TSPO2: variants seen among roughly 807,000 people sequenced by gnomAD.
The protein encoded by TSPO2 is translocator protein 2, also known as benzodiazapine receptor (peripheral)-like 1.
TSPO2 carries 15 observed loss-of-function variants against 13.3 expected under a neutral mutation model. The observed-to-expected ratio is 1.13, with a 90% CI of 0.75 to 1.73. The LOEUF (loss-of-function observed/expected upper bound fraction) is 1.73, where lower values mean the gene tolerates loss of function less well. TSPO2 is among the 40% of genes most tolerant of loss of function. The probability of loss-of-function intolerance (pLI) is 0.00; values close to 1 mark genes in which losing one functional copy is unlikely to be tolerated. For synonymous variants in TSPO2, 81 were observed against 91.6 expected, an observed-to-expected ratio of 0.88 and a Z score of 0.66; for missense variants, 202 against 198.3, an observed-to-expected ratio of 1.02 and a Z score of -0.11.
upstream of TSPO2, among the ~76,000 whole-genome samples, chr6:41,041,403 C>G (rs971052639): frequency 6.6e-6 from 1 of 152,184 alleles, no homozygotes; most frequent in African/African-American, 2.4e-5. Flanking sequence ...ATCAGGCCCC[C>G]CGCCTGGGAG....
chr6:41,043,851 G>C, intron 3 of TSPO2, 89 bp from the exon 4 acceptor site: 2 of 1,544,736 alleles, frequency 1.3e-6, no homozygotes, highest in Non-Finnish European at 8.8e-7. Context: ...AGAGCCCCAG[G>C]GACTGAGCTC....
chr6:41,043,873 G>A, intron 3 of TSPO2, 67 bp from the exon 4 acceptor site: 5 of 1,566,010 alleles, frequency 3.2e-6, no homozygotes, highest in Non-Finnish European at 4.3e-6. Flanking sequence ...TTGCTGGGCT[G>A]GGTACTGCAG....
At position 41,044,284 on chromosome 6, in the gene TSPO2, G is replaced by A. The variant is rs1368400020; in HGVS notation, c.*147G>A. The A allele has an allele frequency of 1.4e-5, 10 of 707,026 alleles. No individual in the cohort carries two copies. The highest frequency in any genetic ancestry group is 2.4e-5 in the Non-Finnish European group (10 of 421,268). 43.8% of individuals were successfully genotyped at this position (707,026 alleles called of 1,614,324 possible). ...CCTTAGAAATCAGAGAAATGGGAAA[G>A]GGGGGGAAACTGATTTTACACTTAA... On this transcript the variant is annotated 3_prime_UTR_variant, in exon 4 of 4. Coordinates refer to ENST00000373161, the MANE Select transcript of TSPO2 (RefSeq NM_001010873.3).
Position 41,042,778 on chromosome 6 carries a change from G to A in TSPO2, c.-21G>A. The A allele has an allele frequency of 1.4e-6, 1 of 701,578 alleles. No individual in the cohort carries two copies. Among genetic ancestry groups the A allele is most frequent in the Non-Finnish European group, 2.6e-6 (1 of 385,680 alleles). The allele number at this position is 701,578 out of a possible 1,614,324, so 43.5% of individuals were successfully genotyped here. A position where few individuals can be genotyped will look rare whatever the true frequency, so the allele number is the denominator to read the frequency against. ...TCCATGGAAGCCAGGAGATGGGCAA[G>A]GTGTGGCCTGGGGTTGGAGAGAGCT... is the stretch of plus-strand genomic sequence containing the variant. On this transcript the variant is annotated splice_region_variant and 5_prime_UTR_variant, in exon 1 of 4. Coordinates refer to ENST00000373161, the MANE Select transcript of TSPO2 (RefSeq NM_001010873.3).
Position 41,044,286 on chromosome 6 carries a change from G to A in TSPO2, c.*149G>A. On this transcript the variant is annotated 3_prime_UTR_variant, in exon 4 of 4. Transcript: ENST00000373161. ...TTAGAAATCAGAGAAATGGGAAAGGGGGGGAAACTGATTTTACACTTAAAT... is the reference window on the plus strand; with the variant it reads ...TTAGAAATCAGAGAAATGGGAAAGGAGGGGAAACTGATTTTACACTTAAAT... The A allele has an allele frequency of 4.4e-6, 3 of 687,474 alleles. No individual in the cohort carries two copies. Among genetic ancestry groups the A allele is most frequent in the South Asian group, 1.8e-5 (1 of 54,122 alleles). 42.6% of individuals were successfully genotyped at this position (687,474 alleles called of 1,614,324 possible). A position where few individuals can be genotyped will look rare whatever the true frequency, so the allele number is the denominator to read the frequency against.
rs1440504266 is a variant in TSPO2 at position 41,042,553 on chromosome 6, G to C, written c.-246G>C. On this transcript the variant is annotated 5_prime_UTR_variant, in exon 1 of 4. Transcript: ENST00000373161. The stretch of plus-strand genomic sequence containing the variant: ...AGATTGTGAACTTTCCAGGTTGGTA[G>C]ATCAGCTTAGGTAGAACAGTTCTCG... The C allele has an allele frequency of 2.8e-6, 1 of 356,876 alleles. No individual in the cohort carries two copies. The highest frequency in any genetic ancestry group is 2.1e-5 in the African/African-American group (1 of 46,814). The allele number at this position is 356,876 out of a possible 1,614,324, so 22.1% of individuals were successfully genotyped here.
At chr6:41,043,368 A>C (rs555332218) in intron 2 of TSPO2, among the ~76,000 whole-genome samples, 189 bp from the exon 3 acceptor site, 1 of 152,078 alleles carries the variant, frequency 6.6e-6, no homozygotes, top group Non-Finnish European at 1.5e-5. Flanking sequence ...AAGTCTCCCC[A>C]GCCCCTCCTC....
chr6:41,042,850 C>T (rs555096720), intron 1 of TSPO2, 72 bp downstream of exon 1: 7 of 1,026,514 alleles, frequency 6.8e-6, no homozygotes, highest in East Asian at 2.5e-5. Flanking sequence ...GAAGGACCTC[C>T]GTGAGTAGAC....
chr6:41,043,861 C>T, intron 3 of TSPO2, 79 bp from the exon 4 acceptor site: 6 of 1,552,232 alleles, frequency 3.9e-6, no homozygotes, highest in South Asian at 1.1e-5. Flanking sequence ...GGACTGAGCT[C>T]GTTGCTGGGC....
Position 41,042,523 on chromosome 6 carries a change from C to T in TSPO2, c.-276C>T, listed in dbSNP as rs1023613048. 1.4e-5 allele frequency: 5 copies of T among 347,674 alleles called. No homozygotes were observed. Among genetic ancestry groups the T allele is most frequent in the African/African-American group, 1.1e-4 (5 of 46,554 alleles). The allele number at this position is 347,674 out of a possible 1,614,324, so 21.5% of individuals were successfully genotyped here. ...AGTCCCCAGGAATTTCTGGCTCCTG[C>T]CTTCAGATTGTGAACTTTCCAGGTT... On this transcript the variant is annotated 5_prime_UTR_variant, in exon 1 of 4. Transcript: ENST00000373161.
chr6:41,043,527 C>T (rs932399), intron 2 of TSPO2, 30 bp from the exon 3 acceptor site: 341,846 of 1,547,102 alleles, frequency 0.22, 38,653 homozygotes, highest in South Asian at 0.29. Context: ...CCTCCTCCCA[C>T]TGAATGTTTT....
chr6:41,043,949 C>T lies in TSPO2; in HGVS notation c.325C>T (p.His109Tyr). The T allele has an allele frequency of 2.5e-6, 4 of 1,613,584 alleles. No individual in the cohort carries two copies. Among genetic ancestry groups the T allele is most frequent in the Non-Finnish European group, 8.5e-7 (1 of 1,179,830 alleles). Residue 109 changes from histidine to tyrosine, a missense_variant, in exon 4 of 4, where the codon CAC becomes TAC. By Grantham distance (83) the His-to-Tyr change is moderately conservative. Transcript: ENST00000373161. Reference protein sequence around the residue: ...TVHNPGLALLHLLLLYGLVVS... With the variant: ...TVHNPGLALLYLLLLYGLVVS... ...CGGCCTCTATGCCCAGGCCCTGCTG[C>T]ACCTGCTGCTGCTGTATGGGCTGGT... is the stretch of plus-strand genomic sequence containing the variant.
rs1762644007 is a variant in TSPO2, at chr6:41,044,290, GA to G, written c.*156del. On this transcript the variant is annotated 3_prime_UTR_variant, in exon 4 of 4. Coordinates refer to ENST00000373161, the MANE Select transcript of TSPO2 (RefSeq NM_001010873.3). ...AAATCAGAGAAATGGGAAAGGGGGGGAAACTGATTTTACACTTAAATAATAA... is the reference window on the plus strand; with the variant it reads ...AAATCAGAGAAATGGGAAAGGGGGGGAACTGATTTTACACTTAAATAATAA... 18 of 680,596 alleles carry G rather than the reference GA, an allele frequency of 2.6e-5. No homozygotes were observed. The South Asian group carries it at 3.0e-4, about 11-fold the overall frequency. 42.2% of individuals were successfully genotyped at this position (680,596 alleles called of 1,614,324 possible). A position where few individuals can be genotyped will look rare whatever the true frequency, so the allele number is the denominator to read the frequency against.
intron 3 of TSPO2, 66 bp from the exon 4 acceptor site, chr6:41,043,874 G>A: frequency 4.5e-6 from 7 of 1,567,766 alleles, no homozygotes; most frequent in Non-Finnish European, 6.1e-6. Flanking sequence ...TGCTGGGCTG[G>A]GTACTGCAGA....
chr6:41,043,731 T>C, intron 3 of TSPO2, 33 bp downstream of exon 3: 11 of 1,572,338 alleles, frequency 7.0e-6, no homozygotes, highest in Non-Finnish European at 9.5e-6. Context: ...GCAGAAGTAA[T>C]GTGGGAGAGG....
In TSPO2 at chr6:41,043,022, C is replaced by T; in HGVS notation, c.37C>T (p.His13Tyr). The change falls in exon 2 of 4, where the codon CAC becomes TAC. Residue 13 changes from histidine (H) to tyrosine (Y), a missense_variant. Coordinates refer to ENST00000373161, the MANE Select transcript of TSPO2 (RefSeq NM_001010873.3). ...AGGGGCTATCTTTGTGCTCCTGCCC[C>T]ACCTGGGGCCCATCCTGGTCTGGCT... ...LQGAIFVLLPHLGPILVWLFT... is the reference protein window; with the variant it reads ...LQGAIFVLLPYLGPILVWLFT... 6.2e-7 allele frequency: 1 copy of T among 1,614,076 alleles called. No individual in the cohort carries two copies. Among genetic ancestry groups the T allele is most frequent in the East Asian group, 2.2e-5 (1 of 44,872 alleles).
upstream of TSPO2, among the ~76,000 whole-genome samples, chr6:41,041,389 T>C (rs1182407554): frequency 2.0e-5 from 3 of 151,836 alleles, no homozygotes; most frequent in African/African-American, 7.3e-5. Flanking sequence ...ACACATCATA[T>C]GTCATCAGGC....
chr6:41,043,533 G>A, intron 2 of TSPO2, 24 bp from the exon 3 acceptor site: 1 of 1,552,522 alleles, frequency 6.4e-7, no homozygotes, highest in Non-Finnish European at 8.7e-7. Context: ...CCCACTGAAT[G>A]TTTTTGCCAC....
intron 3 of TSPO2, 108 bp downstream of exon 3, chr6:41,043,806 G>A: frequency 1.9e-6 from 3 of 1,538,776 alleles, no homozygotes; most frequent in East Asian, 2.3e-5. Context: ...CAGGTAATGG[G>A]TGGGCAGACT....
Sources: gnomAD v4.1 joint callset for allele counts (sites outside exome capture counted in the v4.1 genomes callset) on GRCh38, gnomAD v4.1.1 for gene constraint, MANE v1.5 for transcripts, NCBI Gene and HGNC (gene_info 2026-07-23, HGNC 2026-07-21) for gene names.